SEMA4A: variants seen among roughly 807,000 people sequenced by gnomAD.
SEMA4A encodes the protein semaphorin 4A, also known as semaphorin-4A.
Under a neutral mutation model 72.5 loss-of-function variants are expected in SEMA4A, and 52 were observed. That is an observed-to-expected ratio of 0.72 (90% confidence interval 0.57 to 0.90). The LOEUF is 0.90. Ranked by LOEUF, SEMA4A falls within the 40% of genes least tolerant of loss-of-function variation. The pLI, the probability that SEMA4A is intolerant of heterozygous loss-of-function variation, is 0.00. For synonymous variants in SEMA4A, 369 were observed against 393.1 expected (o/e 0.94, Z 0.73); for missense variants, 926 against 959.7 (o/e 0.96, Z 0.46).
chr1:156,159,027 GTC>G, intron 6 of SEMA4A: 24 of 335,128 alleles, frequency 7.2e-5, no homozygotes, highest in Admixed American at 1.0e-4. Flanking sequence ...CAGCGAGATC[GTC>G]TCAAAAAAAA....
At position 156,170,460 on chromosome 1, in the gene SEMA4A, C is replaced by CAAA. The variant is rs35927446; in HGVS notation, c.1135-2344_1135-2342dup. On this transcript the variant is annotated intron_variant, in intron 10 of 14. Coordinates refer to ENST00000368285, the MANE Select transcript of SEMA4A (RefSeq NM_022367.4). ...CCTGGGCAACAGAGCGATACTGTCT[C>CAAA]AAAAAAAAAAAAAAAAAAAAAAAAG... Among the ~76,000 whole-genome samples the CAAA allele has an allele frequency of 8.9e-4, 36 of 40,290 alleles. 1 individual carries two copies. The highest frequency in any genetic ancestry group is 2.9e-3 in the African/African-American group (28 of 9,606). The allele number at this position is 40,290 out of a possible 152,430, so 26.4% of individuals were successfully genotyped here. A position where few individuals can be genotyped will look rare whatever the true frequency, so the allele number is the denominator to read the frequency against.
intron 8 of SEMA4A, 29 bp from the exon 9 acceptor site, chr1:156,161,317 G>GC: frequency 3.9e-6 from 6 of 1,536,392 alleles, no homozygotes; most frequent in East Asian, 2.4e-5. Context: ...GGCGCCCGGG[G>GC]CGCCCCCTGA....
upstream of SEMA4A, among the ~76,000 whole-genome samples, chr1:156,151,645 C>T (rs984247830): frequency 6.6e-6 from 1 of 151,848 alleles, no homozygotes; most frequent in African/African-American, 2.4e-5. Flanking sequence ...GCAGCCTAGC[C>T]AGCATGGTGA....
At chr1:156,156,348 T>C in intron 2 of SEMA4A, 66 bp from the exon 3 acceptor site, 1 of 1,520,670 alleles carries the variant, frequency 6.6e-7, no homozygotes, top group East Asian at 2.3e-5. Flanking sequence ...CCCCCACTTT[T>C]ATCTCAGGAG....
Position 156,156,427 on chromosome 1 carries a change from G to T in SEMA4A, c.153G>T (p.Arg51Ser). 6.2e-7 allele frequency: 1 copy of T among 1,614,074 alleles called. No individual in the cohort carries two copies. The highest frequency in any genetic ancestry group is 8.5e-7 in the Non-Finnish European group (1 of 1,179,978). ...CTCCTCCAACAGGGGATGAACGTAG[G>T]GCACTTAGCTTCTTCCACCAGAAGG... ...RVRYYAGDER[R>S]ALSFFHQKGL... Residue 51 changes from arginine (R) to serine (S), a missense_variant, in exon 3 of 15, where the codon AGG becomes AGT. By Grantham distance (110) the Arg-to-Ser change is moderately radical. Transcript: ENST00000368285.
upstream of SEMA4A, chr1:156,153,439 C>G (rs3738582): frequency 0.26 from 39,546 of 152,122 alleles, 5,834 homozygotes; most frequent in African/African-American, 0.38. Flanking sequence ...CTGGTTGGAC[C>G]GAGCAGAGGA....
upstream of SEMA4A, among the ~76,000 whole-genome samples, chr1:156,148,807 T>C (rs1236268892): frequency 1.3e-5 from 2 of 148,544 alleles, no homozygotes; most frequent in Admixed American, 6.7e-5. Context: ...TTTTCTTTTT[T>C]TTTTTTTTTT....
At position 156,176,446 on chromosome 1, in the gene SEMA4A, C is replaced by T. The variant is rs748956377; in HGVS notation, c.1735C>T (p.Pro579Ser). The T allele has an allele frequency of 1.9e-6, 3 of 1,614,042 alleles. No homozygotes were observed. Among genetic ancestry groups the T allele is most frequent in the Admixed American group, 3.3e-5 (2 of 59,998 alleles). Residue 579 changes from proline to serine, a missense_variant, in exon 15 of 15, where the codon CCC becomes TCC. Transcript: ENST00000368285. ...LAVPNSILEL[P>S]CPHLSALASY... is the part of the protein sequence containing the mutation. Reference sequence around the variant, plus strand: ...TGTCCCCAACTCCATCCTGGAGCTCCCCTGCCCCCACCTGTCAGCCTTGGC... The same window carrying T: ...TGTCCCCAACTCCATCCTGGAGCTCTCCTGCCCCCACCTGTCAGCCTTGGC...
At chr1:156,154,311 A>G in intron 1 of SEMA4A, 1 of 557,150 alleles carries the variant, frequency 1.8e-6, no homozygotes, top group Non-Finnish European at 3.2e-6. Context: ...AAGAAGCAGG[A>G]TAGGGGAGAC....
chr1:156,151,862 A>G (rs1443519867), upstream of SEMA4A, among the ~76,000 whole-genome samples: 1 of 150,030 alleles, frequency 6.7e-6, no homozygotes, highest in Non-Finnish European at 1.5e-5. Flanking sequence ...AAAAAAAAAA[A>G]AAGCCCACTC....
intron 11 of SEMA4A, 143 bp downstream of exon 11, chr1:156,173,149 G>C (rs1654965858): frequency 1.1e-6 from 1 of 891,678 alleles, no homozygotes; most frequent in Non-Finnish European, 1.8e-6. Context: ...CATTCTGCTA[G>C]GTTCTGGAAA....
intron 9 of SEMA4A, 60 bp from the exon 10 acceptor site, chr1:156,162,884 G>A (rs2102966446): frequency 6.2e-7 from 1 of 1,606,688 alleles, no homozygotes; most frequent in Non-Finnish European, 8.5e-7. Flanking sequence ...GGCCAGCGCT[G>A]GAGAGAGAGC....
At chr1:156,172,231 C>T (rs1198227648) in intron 10 of SEMA4A, among the ~76,000 whole-genome samples, 2 of 152,014 alleles carry the variant, frequency 1.3e-5, no homozygotes, top group African/African-American at 2.4e-5. Context: ...GATTCTCCTG[C>T]CTCAGCCTTC....
chr1:156,176,329 G>T, intron 14 of SEMA4A, 76 bp from the exon 15 acceptor site: 13 of 1,075,146 alleles, frequency 1.2e-5, no homozygotes, highest in Non-Finnish European at 1.8e-5. Flanking sequence ...GGGGTCCAAA[G>T]ATAGGTTAGA....
At chr1:156,172,198 A>C (rs1161406537) in intron 10 of SEMA4A, among the ~76,000 whole-genome samples, 2 of 151,634 alleles carry the variant, frequency 1.3e-5, no homozygotes. Flanking sequence ...GCTCACTGCA[A>C]CCTCTGCCTT....
chr1:156,175,752 C>G, intron 14 of SEMA4A, 96 bp downstream of exon 14: 1 of 888,970 alleles, frequency 1.1e-6, no homozygotes. Context: ...CCCCCAGCAC[C>G]TGCCTGGCTT....
At chr1:156,163,480 G>A (rs965382788) in intron 10 of SEMA4A, among the ~76,000 whole-genome samples, 3 of 152,060 alleles carry the variant, frequency 2.0e-5, no homozygotes, top group Non-Finnish European at 2.9e-5. Context: ...CCAACACTTG[G>A]GGAGGCCGAG....
At chr1:156,163,534 T>C (rs1480830778) in intron 10 of SEMA4A, among the ~76,000 whole-genome samples, 1 of 151,268 alleles carries the variant, frequency 6.6e-6, no homozygotes, top group Non-Finnish European at 1.5e-5. Flanking sequence ...ACAGCCTGGC[T>C]AACATGGTGA....
At position 156,176,697 on chromosome 1, in the gene SEMA4A, G is replaced by T; in HGVS notation, c.1986G>T (p.Lys662Asn). The T allele has an allele frequency of 6.2e-7, 1 of 1,614,124 alleles. No individual in the cohort carries two copies. The highest frequency in any genetic ancestry group is 8.5e-7 in the Non-Finnish European group (1 of 1,179,962). ...CAGGCATCCCCCGGGAGCATGTGAA[G>T]GTCCCGTTGACCAGGGTCAGTGGTG... The part of the protein sequence containing the change: ...ELAGIPREHV[K>N]VPLTRVSGGA... Residue 662 changes from lysine to asparagine, a missense_variant, in exon 15 of 15, where the codon AAG (lysine) becomes AAT (asparagine). Coordinates refer to ENST00000368285, the MANE Select transcript of SEMA4A (RefSeq NM_022367.4).
Sources: allele counts gnomAD v4.1 joint callset (sites outside exome capture counted in the v4.1 genomes callset), GRCh38; gene constraint gnomAD v4.1.1; transcripts MANE v1.5; gene names NCBI Gene and HGNC (gene_info 2026-07-23, HGNC 2026-07-21).